Variants in AJAP1 observed in about 807,000 individuals in gnomAD.
The protein encoded by AJAP1 is adherens junctions associated protein 1.
AJAP1 carries 5 observed loss-of-function variants against 35.0 expected under a neutral mutation model. That is an observed-to-expected ratio of 0.14 (90% CI 0.07 to 0.30). The LOEUF is 0.30. Ranked by LOEUF, AJAP1 falls within the 10% of genes least tolerant of loss-of-function variation. The pLI, the probability that AJAP1 is intolerant of heterozygous loss-of-function variation, is 1.00. For missense variants in AJAP1, 586 were observed against 571.0 expected (o/e 1.03, Z -0.27); for synonymous variants, 284 against 249.3 (o/e 1.14, Z -1.31).
intron 2 of AJAP1, among the ~76,000 whole-genome samples, chr1:4,722,809 G>C (rs906793809): frequency 1.3e-5 from 2 of 152,224 alleles, no homozygotes; most frequent in Non-Finnish European, 2.9e-5. Context: ...GGATCACCCA[G>C]AATGGTCACA....
At chr1:4,674,323 G>A (rs887922966) in intron 1 of AJAP1, among the ~76,000 whole-genome samples, 3 of 152,146 alleles carry the variant, frequency 2.0e-5, no homozygotes, top group African/African-American at 4.8e-5. Context: ...CACAGCCCAC[G>A]GCTGCCTGAC....
chr1:4,668,468 G>A (rs1034627091), intron 1 of AJAP1, among the ~76,000 whole-genome samples: 3 of 152,174 alleles, frequency 2.0e-5, no homozygotes, highest in Non-Finnish European at 4.4e-5. Flanking sequence ...CTGAAAAGCT[G>A]TTTAAAAATG....
chr1:4,660,322 G>A (rs547077486), intron 1 of AJAP1, among the ~76,000 whole-genome samples: 23 of 152,224 alleles, frequency 1.5e-4, no homozygotes, highest in Non-Finnish European at 3.2e-4. Flanking sequence ...CAAAGAAGGA[G>A]TGGGGAACGG....
intron 4 of AJAP1, among the ~76,000 whole-genome samples, chr1:4,774,170 G>A (rs540329101): frequency 1.6e-4 from 24 of 152,326 alleles, no homozygotes; most frequent in African/African-American, 5.5e-4. Flanking sequence ...TCCGGCCTGT[G>A]CAGCAAAGTG....
chr1:4,680,383 A>G (rs934748086), intron 1 of AJAP1, among the ~76,000 whole-genome samples: 10 of 152,184 alleles, frequency 6.6e-5, no homozygotes, highest in African/African-American at 1.9e-4. Context: ...TCTTAAATAC[A>G]TCTTCAAAGT....
chr1:4,737,682 C>G (rs904106146), intron 2 of AJAP1, among the ~76,000 whole-genome samples: 1 of 152,114 alleles, frequency 6.6e-6, no homozygotes, highest in African/African-American at 2.4e-5. Context: ...TCACTTTAGC[C>G]CAGGAATCAA....
intron 1 of AJAP1, among the ~76,000 whole-genome samples, chr1:4,689,845 T>C (rs1639698362): frequency 6.6e-6 from 1 of 152,152 alleles, no homozygotes; most frequent in South Asian, 2.1e-4. Flanking sequence ...CTCTCGCGGA[T>C]GCCCAGCAGC....
At chr1:4,679,728 C>A (rs1345300723) in intron 1 of AJAP1, among the ~76,000 whole-genome samples, 2 of 152,096 alleles carry the variant, frequency 1.3e-5, no homozygotes, top group Admixed American at 6.6e-5. Flanking sequence ...GGCCTTCTCC[C>A]ATCCACATGT....
rs1271262290 is a variant in AJAP1, at chr1:4,723,737, T to C, written c.829+11038T>C. Among the ~76,000 whole-genome samples, 2 of 151,740 alleles carry C rather than the reference T, an allele frequency of 1.3e-5. No homozygotes were observed. The highest frequency in any genetic ancestry group is 2.9e-5 in the Non-Finnish European group (2 of 67,972). On this transcript the variant is annotated intron_variant, in intron 2 of 5. Coordinates refer to ENST00000378191, the MANE Select transcript of AJAP1 (RefSeq NM_018836.4). The surrounding 1 kb of genome is among the most constrained non-coding windows in gnomAD (Gnocchi z 4.3). ...GGGTTTGGGGAAAGGGAAGCTGTAGTTGGAGGACTATGGAGGTGGACGAGG... is the reference window on the plus strand; with the variant it reads ...GGGTTTGGGGAAAGGGAAGCTGTAGCTGGAGGACTATGGAGGTGGACGAGG...
At chr1:4,661,886 C>T (rs1228985096) in intron 1 of AJAP1, among the ~76,000 whole-genome samples, 1 of 152,144 alleles carries the variant, frequency 6.6e-6, no homozygotes, top group Admixed American at 6.5e-5. Context: ...TACTGCTATT[C>T]AATCTATTTA....
intron 1 of AJAP1, among the ~76,000 whole-genome samples, chr1:4,695,752 A>G (rs537206202): frequency 3.9e-4 from 60 of 152,154 alleles, no homozygotes; most frequent in Non-Finnish European, 6.6e-4. Flanking sequence ...TTAAGTCCCT[A>G]TTGGATTAGG....
In AJAP1 at chr1:4,711,914, G is replaced by A; in HGVS notation, c.44G>A (p.Arg15His). 4 of 1,504,820 alleles carry A rather than the reference G, an allele frequency of 2.7e-6. No homozygotes were observed. Among genetic ancestry groups the A allele is most frequent in the East Asian group, 2.6e-5 (1 of 38,562 alleles). 93.2% of individuals were successfully genotyped at this position (1,504,820 alleles called of 1,614,324 possible). Residue 15 changes from arginine (R) to histidine (H), a missense_variant, in exon 2 of 6, where the codon CGC (arginine) becomes CAC (histidine). Physicochemically the swap from Arg to His is conservative, Grantham distance 29. Coordinates refer to ENST00000378191, the MANE Select transcript of AJAP1 (RefSeq NM_018836.4). ...CCCCCGCACAGCTCCATGTCCATCC[G>A]CTGGCCGGGCCGCCCCCTCGGAAGC... ...QLLGLSSMSI[R>H]WPGRPLGSHA... is the part of the protein sequence containing the mutation.
At chr1:4,668,332 G>GGGCA (rs1340515964) in intron 1 of AJAP1, among the ~76,000 whole-genome samples, 4 of 149,148 alleles carry the variant, frequency 2.7e-5, no homozygotes, top group African/African-American at 7.3e-5. Context: ...CTGTGTGTGT[G>GGGCA]TGTGCGTGTG....
intron 2 of AJAP1, among the ~76,000 whole-genome samples, chr1:4,763,208 G>T (rs769383379): frequency 3.9e-5 from 6 of 152,204 alleles, no homozygotes; most frequent in Admixed American, 1.3e-4. Context: ...ACCACCCAAA[G>T]TGTCTCCAGA....
intron 1 of AJAP1, among the ~76,000 whole-genome samples, chr1:4,662,562 A>T (rs1027149147): frequency 5.9e-5 from 9 of 151,944 alleles, no homozygotes; most frequent in African/African-American, 1.9e-4. Flanking sequence ...CTCGGGATGG[A>T]TGTTGTTTTC....
chr1:4,703,432 G>T (rs1190468624), intron 1 of AJAP1, among the ~76,000 whole-genome samples: 1 of 152,140 alleles, frequency 6.6e-6, no homozygotes, highest in Admixed American at 6.5e-5. Flanking sequence ...AGTTGGGGGA[G>T]TCAGAGGTTC....
At chr1:4,697,649 T>C (rs771189703) in intron 1 of AJAP1, among the ~76,000 whole-genome samples, 7 of 152,222 alleles carry the variant, frequency 4.6e-5, no homozygotes, top group Non-Finnish European at 7.3e-5. Flanking sequence ...CTAGTGACCT[T>C]GGGCAGGTGC....
intron 1 of AJAP1, among the ~76,000 whole-genome samples, chr1:4,677,534 C>CAG (rs1639388275): frequency 6.6e-6 from 1 of 151,832 alleles, no homozygotes; most frequent in Admixed American, 6.6e-5. Flanking sequence ...CTCTCTGGGT[C>CAG]CACTCTGTGA....
At chr1:4,740,464 T>C (rs970357250) in intron 2 of AJAP1, among the ~76,000 whole-genome samples, 1 of 112,842 alleles carries the variant, frequency 8.9e-6, no homozygotes, top group Non-Finnish European at 1.9e-5. Context: ...ACAATGTAAA[T>C]GTGCTTAATG....
Sources: allele counts gnomAD v4.1 joint callset (sites outside exome capture counted in the v4.1 genomes callset), GRCh38; gene constraint gnomAD v4.1.1; non-coding constraint Gnocchi (gnomAD v3.1); transcripts MANE v1.5; gene names NCBI Gene and HGNC (gene_info 2026-07-23, HGNC 2026-07-21).